The following FNIP2 variants were observed in gnomAD, a reference collection of about 807,000 sequenced individuals.
FNIP2 encodes the protein folliculin interacting protein 2, also known as folliculin-interacting protein 2.
A neutral mutation model predicts 108.7 loss-of-function variants in FNIP2; 32 were observed. The ratio of observed to expected loss-of-function variants is 0.29; its 90% CI spans 0.22 to 0.40. The LOEUF (loss-of-function observed/expected upper bound fraction) is 0.40. FNIP2 is among the 10% of genes least tolerant of loss of function. FNIP2 has a pLI of 1.00. For missense variants in FNIP2, 1,202 were observed against 1,381.6 expected, an observed-to-expected ratio of 0.87 and a Z score of 2.06; for synonymous variants, 480 against 496.7, an observed-to-expected ratio of 0.97 and a Z score of 0.45.
intron 8 of FNIP2, among the ~76,000 whole-genome samples, chr4:158,857,962 ATTAAT>A (rs760359442): frequency 1.2e-3 from 183 of 152,194 alleles, no homozygotes; most frequent in South Asian, 3.9e-3. Flanking sequence ...AAATTAATTA[ATTAAT>A]TTAATAGCTT....
intron 1 of FNIP2, among the ~76,000 whole-genome samples, chr4:158,784,364 G>A (rs1009623310): frequency 3.3e-5 from 5 of 152,146 alleles, no homozygotes; most frequent in African/African-American, 1.2e-4. Context: ...TAAACCAGTG[G>A]TCCCCAACCT....
At position 158,803,817 on chromosome 4, in the gene FNIP2, A is replaced by C. The variant is rs540701267; in HGVS notation, c.108-22099A>C. Among the ~76,000 whole-genome samples, 3 of 152,352 alleles carry C rather than the reference A, an allele frequency of 2.0e-5. No individual in the cohort carries two copies. The East Asian group carries it at 5.8e-4, about 29-fold the overall frequency. On this transcript the variant is annotated intron_variant, in intron 1 of 16. Coordinates refer to ENST00000264433, the MANE Select transcript of FNIP2 (RefSeq NM_020840.3). ...CCTCTATGGGAGCTTTTGCTATAGTAAACGAGGGAAAGGGAGAAATGGAGT... is the reference window on the plus strand; with the variant it reads ...CCTCTATGGGAGCTTTTGCTATAGTCAACGAGGGAAAGGGAGAAATGGAGT...
At chr4:158,771,890 T>C (rs73858553) in intron 1 of FNIP2, among the ~76,000 whole-genome samples, 190 of 152,350 alleles carry the variant, frequency 1.2e-3, no homozygotes, top group African/African-American at 4.2e-3. Context: ...TCCTAGTCCC[T>C]TCGCTGGGCT....
At chr4:158,867,138 A>G (rs1780628893) in intron 12 of FNIP2, among the ~76,000 whole-genome samples, 1 of 152,178 alleles carries the variant, frequency 6.6e-6, no homozygotes, top group Admixed American at 6.5e-5. Context: ...GTCAGTTTTT[A>G]ATCAACTTGT....
chr4:158,861,517 T>C, intron 11 of FNIP2, 29 bp downstream of exon 11: 1 of 1,613,792 alleles, frequency 6.2e-7, no homozygotes, highest in Non-Finnish European at 8.5e-7. Flanking sequence ...GAGACTTGTA[T>C]GCAAATCTCA....
At chr4:158,830,884 C>A (rs1778446193) in intron 3 of FNIP2, among the ~76,000 whole-genome samples, 1 of 152,212 alleles carries the variant, frequency 6.6e-6, no homozygotes, top group Non-Finnish European at 1.5e-5. Flanking sequence ...TCCCAAGACA[C>A]TCATTCAGAT....
At chr4:158,826,181 C>A in intron 2 of FNIP2, 139 bp downstream of exon 2, 2 of 1,220,262 alleles carry the variant, frequency 1.6e-6, no homozygotes, top group Non-Finnish European at 2.2e-6. Flanking sequence ...CATAAGCAAG[C>A]ATTGAATCCT....
In FNIP2 at chr4:158,775,104, G is replaced by A. The variant is rs376620050; in HGVS notation, c.107+5785G>A. ...TTGTGTTTCCTTGGAAAAGGAAGCTGTAAAAGATTGTCCTTGCCGTCATGA... is the reference window on the plus strand; with the variant it reads ...TTGTGTTTCCTTGGAAAAGGAAGCTATAAAAGATTGTCCTTGCCGTCATGA... On this transcript the variant is annotated intron_variant, in intron 1 of 16. Transcript: ENST00000264433. Among the ~76,000 whole-genome samples, 4 of 152,332 alleles carry A rather than the reference G, an allele frequency of 2.6e-5. No individual in the cohort carries two copies. The East Asian group carries it at 5.8e-4, about 22-fold the overall frequency.
In FNIP2 at chr4:158,859,065, A is replaced by C. The variant is rs1333121356; in HGVS notation, c.866A>C (p.Asp289Ala). ...ENGIIPRRST[D>A]ETFSLAEETC... ...CTTATATTTCCCTCCAGGTCAACTG[A>C]TGAGACATTCAGCTTGGCTGAAGAA... The change falls in exon 9 of 17, where the codon GAT (aspartate) becomes GCT (alanine). Residue 289 changes from aspartate (D) to alanine (A), a missense_variant. By Grantham distance (126) the Asp-to-Ala change is moderately radical. Transcript: ENST00000264433. 1 of 1,613,886 alleles carries C rather than the reference A, an allele frequency of 6.2e-7. No individual in the cohort carries two copies. The highest frequency in any genetic ancestry group is 8.5e-7 in the Non-Finnish European group (1 of 1,179,826).
chr4:158,857,780 CAAAAAAAA>C (rs35070873), intron 8 of FNIP2, among the ~76,000 whole-genome samples: 6,631 of 137,100 alleles, frequency 0.048, 376 homozygotes, highest in African/African-American at 0.15. Context: ...CCATCTCTAC[CAAAAAAAA>C]AAAAAAAAAT....
At chr4:158,821,699 C>T (rs553033920) in intron 1 of FNIP2, among the ~76,000 whole-genome samples, 2 of 152,142 alleles carry the variant, frequency 1.3e-5, no homozygotes, top group Non-Finnish European at 2.9e-5. Flanking sequence ...ACTATAAAAC[C>T]GGTGGGAAGC....
At chr4:158,845,221 T>G (rs1779335711) in intron 7 of FNIP2, among the ~76,000 whole-genome samples, 1 of 152,232 alleles carries the variant, frequency 6.6e-6, no homozygotes, top group Admixed American at 6.5e-5. Flanking sequence ...AGCCTGTGAA[T>G]AATTTAACTA....
chr4:158,816,967 A>G (rs1777615135), intron 1 of FNIP2, among the ~76,000 whole-genome samples: 2 of 152,014 alleles, frequency 1.3e-5, no homozygotes, highest in African/African-American at 4.8e-5. Flanking sequence ...TTTGGGGAAA[A>G]ATGGGCCATT....
chr4:158,794,556 T>G (rs1776521928), intron 1 of FNIP2: 1 of 152,362 alleles, frequency 6.6e-6, no homozygotes, highest in Non-Finnish European at 1.5e-5. Context: ...CATGGTGGTT[T>G]GCTGCACCTA....
rs77475720 is a variant in FNIP2, at chr4:158,837,928, G to A, written c.727+2452G>A. On this transcript the variant is annotated intron_variant, in intron 7 of 16. Transcript: ENST00000264433. ...TGCTCTCCCTGCTATCCTGGTAGAT[G>A]TGTTTACCTTCAGATATCATACCTA... Among the ~76,000 whole-genome samples the A allele has an allele frequency of 7.8e-3, 1,186 of 152,306 alleles. 11 individuals are homozygous for A. The highest frequency in any genetic ancestry group is 0.026 in the African/African-American group (1,100 of 41,560).
At chr4:158,904,135 A>C (rs1057467338) in intron 16 of FNIP2, among the ~76,000 whole-genome samples, 4 of 152,224 alleles carry the variant, frequency 2.6e-5, no homozygotes, top group Non-Finnish European at 4.4e-5. Context: ...AATACCTTAA[A>C]GTATGATACA....
chr4:158,795,690 C>A (rs912295115), intron 1 of FNIP2, among the ~76,000 whole-genome samples: 1 of 152,166 alleles, frequency 6.6e-6, no homozygotes, highest in Non-Finnish European at 1.5e-5. Context: ...GGCAAGGGAG[C>A]GAAGCTTCAT....
At chr4:158,773,110 A>C (rs1237183277) in intron 1 of FNIP2, among the ~76,000 whole-genome samples, 1 of 152,206 alleles carries the variant, frequency 6.6e-6, no homozygotes, top group Non-Finnish European at 1.5e-5. Flanking sequence ...TTTGGAAAAA[A>C]ACAGTTTTGT....
chr4:158,818,019 G>A (rs1168305398), intron 1 of FNIP2, among the ~76,000 whole-genome samples: 1 of 152,242 alleles, frequency 6.6e-6, no homozygotes, highest in Admixed American at 6.5e-5. Context: ...TAGTGGTGCT[G>A]TAAGTGCCAC....
Sources: allele counts gnomAD v4.1 joint callset (sites outside exome capture counted in the v4.1 genomes callset), GRCh38; gene constraint gnomAD v4.1.1; transcripts MANE v1.5; gene names NCBI Gene and HGNC (gene_info 2026-07-23, HGNC 2026-07-21).